The following NRG1 variants were observed in gnomAD, a reference collection of about 807,000 sequenced individuals.
NRG1 encodes the protein pro-neuregulin-1, membrane-bound isoform.
In NRG1, 18 loss-of-function variants were observed where a neutral mutation model predicts 63.8. The ratio of observed to expected loss-of-function variants is 0.28; its 90% CI spans 0.19 to 0.42. The LOEUF is 0.42. NRG1 is among the 10% of genes least tolerant of loss of function. The pLI is 1.00. For synonymous variants in NRG1, 302 were observed against 301.3 expected (o/e 1.00, Z -0.02); for missense variants, 762 against 814.7 (o/e 0.94, Z 0.79).
intron 1 of NRG1, among the ~76,000 whole-genome samples, chr8:32,252,335 G>A (rs1849207804): frequency 6.6e-6 from 1 of 152,002 alleles, no homozygotes; most frequent in Non-Finnish European, 1.5e-5. Flanking sequence ...TAGGTCTTAT[G>A]TGTAAGTCTT....
chr8:32,003,932 T>C (rs960923998), intron 1 of NRG1, among the ~76,000 whole-genome samples: 1 of 151,850 alleles, frequency 6.6e-6, no homozygotes, highest in East Asian at 1.9e-4. Flanking sequence ...TTTATTAAAA[T>C]ATAAAATATT....
At chr8:32,420,497 A>C (rs1816569535) in intron 1 of NRG1, among the ~76,000 whole-genome samples, 1 of 149,244 alleles carries the variant, frequency 6.7e-6, no homozygotes, top group African/African-American at 2.5e-5. Flanking sequence ...AGTTTCTGTC[A>C]CTTGATGATG....
chr8:32,357,030 T>C (rs1806526789), intron 1 of NRG1, among the ~76,000 whole-genome samples: 1 of 152,182 alleles, frequency 6.6e-6, no homozygotes, highest in Non-Finnish European at 1.5e-5. Flanking sequence ...CATAGGCATG[T>C]TTAAATGCTG....
At chr8:31,906,082 G>A (rs576791569) in intron 1 of NRG1, among the ~76,000 whole-genome samples, 1 of 152,268 alleles carries the variant, frequency 6.6e-6, no homozygotes, top group Non-Finnish European at 1.5e-5. Flanking sequence ...TATGGGTCAG[G>A]AATCCAACAA....
At chr8:31,761,899 A>G (rs1207346857) in intron 1 of NRG1, among the ~76,000 whole-genome samples, 1 of 152,210 alleles carries the variant, frequency 6.6e-6, no homozygotes, top group Non-Finnish European at 1.5e-5. Flanking sequence ...GGTAAAAAAT[A>G]CAGTATCTTT....
intron 3 of NRG1, among the ~76,000 whole-genome samples, chr8:32,613,216 T>C (rs976594199): frequency 6.6e-6 from 1 of 152,026 alleles, no homozygotes; most frequent in Non-Finnish European, 1.5e-5. Context: ...CTTGCATAGT[T>C]TGCCCTCCTA....
intron 1 of NRG1, among the ~76,000 whole-genome samples, chr8:31,781,449 C>T (rs1048799419): frequency 2.0e-5 from 3 of 152,134 alleles, no homozygotes; most frequent in Admixed American, 6.5e-5. Flanking sequence ...ACATTTCCCT[C>T]GTTACCAAAA....
At chr8:32,081,610 A>G (rs1307116489) in intron 1 of NRG1, among the ~76,000 whole-genome samples, 1 of 152,158 alleles carries the variant, frequency 6.6e-6, no homozygotes, top group Admixed American at 6.6e-5. Context: ...GTGGAAAAAC[A>G]TATCTGAAAC....
intron 1 of NRG1, among the ~76,000 whole-genome samples, chr8:31,971,924 A>G (rs966238860): frequency 6.6e-6 from 1 of 151,984 alleles, no homozygotes; most frequent in African/African-American, 2.4e-5. Context: ...CAAATTTCTT[A>G]CTTGTAGATG....
At chr8:32,302,971 C>T (rs1855749964) in intron 1 of NRG1, among the ~76,000 whole-genome samples, 1 of 152,058 alleles carries the variant, frequency 6.6e-6, no homozygotes, top group Admixed American at 6.6e-5. Context: ...CACCTGAGGT[C>T]AGGAGTTCGA....
intron 1 of NRG1, among the ~76,000 whole-genome samples, chr8:31,997,867 C>T (rs1287096963): frequency 1.3e-5 from 2 of 151,994 alleles, no homozygotes; most frequent in African/African-American, 4.8e-5. Context: ...ATATTATTAT[C>T]TCCATCTCGC....
chr8:31,731,807 AT>A (rs1236830081), intron 1 of NRG1, among the ~76,000 whole-genome samples: 1 of 152,228 alleles, frequency 6.6e-6, no homozygotes, highest in East Asian at 1.9e-4. Context: ...ATGTTAGCAA[AT>A]AGCACAATAG....
chr8:32,548,095 C>A (rs891982930), upstream of NRG1: 4 of 554,328 alleles, frequency 7.2e-6, no homozygotes, highest in Non-Finnish European at 9.2e-6. Context: ...CGCCACCCCC[C>A]GCCCGGCCAG....
At chr8:31,667,348 A>G (rs1360817865) in intron 1 of NRG1, among the ~76,000 whole-genome samples, 4 of 152,146 alleles carry the variant, frequency 2.6e-5, no homozygotes, top group African/African-American at 9.7e-5. Context: ...GGGAGGGTTC[A>G]TTTATCAATT....
intron 1 of NRG1, among the ~76,000 whole-genome samples, chr8:32,411,013 C>G (rs1426040886): frequency 6.6e-6 from 1 of 151,794 alleles, no homozygotes; most frequent in Non-Finnish European, 1.5e-5. Context: ...GCAGCTAGGA[C>G]TACAGGCACG....
intron 1 of NRG1, among the ~76,000 whole-genome samples, chr8:31,757,007 A>C (rs1018021476): frequency 6.6e-6 from 1 of 152,322 alleles, no homozygotes; most frequent in Non-Finnish European, 1.5e-5. Context: ...TCCGCATTCA[A>C]TATCACCATT....
chr8:31,961,791 T>C (rs1805501913), intron 1 of NRG1, among the ~76,000 whole-genome samples: 1 of 152,200 alleles, frequency 6.6e-6, no homozygotes, highest in Admixed American at 6.5e-5. Flanking sequence ...CATTATTTGC[T>C]CACTTTTGAT....
At chr8:32,720,899 A>T (rs999325410) in intron 5 of NRG1, among the ~76,000 whole-genome samples, 1 of 152,204 alleles carries the variant, frequency 6.6e-6, no homozygotes, top group African/African-American at 2.4e-5. Flanking sequence ...ATGACACCAA[A>T]TCATTTGCTC....
At position 32,258,274 on chromosome 8, in the gene NRG1, G is replaced by GA. The variant is rs956662763; in HGVS notation, c.38-337548dup. 3.9e-5 allele frequency among the ~76,000 whole-genome samples: 6 copies of GA among 152,100 alleles called. No homozygotes were observed. In the East Asian group the frequency reaches 5.8e-4, roughly 15 times the overall value. On this transcript the variant is annotated intron_variant, in intron 1 of 10. Transcript: ENST00000519301. ...TCTGAAATAGCTTTTCACAGTTGAG[G>GA]AAAAAATAAAGATTTGACCTTCCCA...
Sources: allele counts gnomAD v4.1 joint callset (sites outside exome capture counted in the v4.1 genomes callset), GRCh38; gene constraint gnomAD v4.1.1; transcripts MANE v1.5; gene names NCBI Gene and HGNC (gene_info 2026-07-23, HGNC 2026-07-21).